CAB39: variants seen among roughly 807,000 people sequenced by gnomAD.
CAB39 encodes the protein calcium binding protein 39, also known as calcium-binding protein 39.
In CAB39, 8 loss-of-function variants were observed where a neutral mutation model predicts 40.0. That is an observed-to-expected ratio of 0.20 (90% confidence interval 0.12 to 0.36). The LOEUF (loss-of-function observed/expected upper bound fraction) is 0.36, where lower values mean the gene tolerates loss of function less well. CAB39 is among the 10% of genes least tolerant of loss of function. The pLI is 1.00. For synonymous variants in CAB39, 156 were observed against 141.6 expected (o/e 1.10, Z -0.72); for missense variants, 270 against 401.1 (o/e 0.67, Z 2.79).
At chr2:230,796,743 G>C (rs1038697946) in intron 4 of CAB39, among the ~76,000 whole-genome samples, 2 of 152,048 alleles carry the variant, frequency 1.3e-5, no homozygotes, top group South Asian at 4.2e-4. Flanking sequence ...ATGTGGTTTG[G>C]GTTAATAAGG....
chr2:230,752,892 AGAAGCAG>A (rs1695115224), intron 1 of CAB39, among the ~76,000 whole-genome samples: 1 of 152,236 alleles, frequency 6.6e-6, no homozygotes, highest in South Asian at 2.1e-4. Flanking sequence ...ACATTGAAAA[AGAAGCAG>A]GACTTAGATG....
intron 2 of CAB39, among the ~76,000 whole-genome samples, chr2:230,764,781 A>G (rs867360563): frequency 1.3e-5 from 2 of 152,228 alleles, no homozygotes; most frequent in Admixed American, 6.5e-5. Flanking sequence ...CTGTCTTCCA[A>G]TAACAAAAGC....
At chr2:230,807,428 C>G (rs1448121321) in intron 5 of CAB39, among the ~76,000 whole-genome samples, 2 of 149,866 alleles carry the variant, frequency 1.3e-5, no homozygotes, top group East Asian at 3.9e-4. Flanking sequence ...CCCCCCACCC[C>G]AGGCCTTTGA....
At chr2:230,742,638 A>G (rs1261574464) in intron 1 of CAB39, among the ~76,000 whole-genome samples, 2 of 152,340 alleles carry the variant, frequency 1.3e-5, no homozygotes, top group East Asian at 3.9e-4. Flanking sequence ...CAATAAGAAA[A>G]GGACTCCAAA....
Position 230,793,224 on chromosome 2 carries a change from C to T in CAB39, c.291C>T (p.Asp97=), listed in dbSNP as rs1418103184. The T allele has an allele frequency of 5.0e-6, 8 of 1,606,062 alleles. No homozygotes were observed. Among genetic ancestry groups the T allele is most frequent in the East Asian group, 4.5e-5 (2 of 44,768 alleles). ...TGTATTCCTAATAGGGCAAAAAAGA[C>T]GTGGCTCAAATTTTCAACAATATTC... The part of the protein sequence containing the change: ...LQLIDFEGKK[D]VAQIFNNILR... The change falls in exon 4 of 9, where the codon GAC becomes GAT. Residue 97 remains aspartate, a synonymous_variant. Transcript: ENST00000258418.
In CAB39 at chr2:230,760,056, C is replaced by T; in HGVS notation, c.55C>T (p.Leu19=). 1 of 1,613,848 alleles carries T rather than the reference C, an allele frequency of 6.2e-7. No homozygotes were observed. The highest frequency in any genetic ancestry group is 8.5e-7 in the Non-Finnish European group (1 of 1,179,782). Residue 19 remains leucine (L), a synonymous_variant, in exon 2 of 9, where the codon CTG becomes TTG. Coordinates refer to ENST00000258418, the MANE Select transcript of CAB39 (RefSeq NM_016289.4). ...ATCTCCAGCAGACATTGTGAAGAAT[C>T]TGAAGGAGAGCATGGCTGTTCTGGA... The part of the protein sequence containing the change: ...HKSPADIVKN[L]KESMAVLEKQ...
At chr2:230,814,009 TTTTGGCA>T in intron 6 of CAB39, 33 bp from the exon 7 acceptor site, 1 of 454,856 alleles carries the variant, frequency 2.2e-6, no homozygotes, top group Non-Finnish European at 4.1e-6. Flanking sequence ...TTTTTTTTTT[TTTTGGCA>T]ATAACCCTGA....
intron 2 of CAB39, among the ~76,000 whole-genome samples, chr2:230,782,399 G>C (rs560919995): frequency 1.3e-5 from 2 of 152,182 alleles, no homozygotes; most frequent in South Asian, 4.2e-4. Context: ...GCTGAAAAAG[G>C]AGAAATGGAA....
At chr2:230,741,621 A>AC (rs1364113555) in intron 1 of CAB39, among the ~76,000 whole-genome samples, 2 of 152,126 alleles carry the variant, frequency 1.3e-5, no homozygotes, top group Admixed American at 6.6e-5. Context: ...GATTACAGGC[A>AC]CCCATGCCCA....
intron 1 of CAB39, among the ~76,000 whole-genome samples, chr2:230,758,290 G>T (rs986485126): frequency 1.6e-5 from 2 of 127,796 alleles, no homozygotes. Context: ...GTGACACAGC[G>T]AGACTCCAAA....
intron 1 of CAB39, among the ~76,000 whole-genome samples, chr2:230,729,452 TAAA>T (rs1694647334): frequency 6.6e-6 from 1 of 151,990 alleles, no homozygotes; most frequent in Non-Finnish European, 1.5e-5. Flanking sequence ...AATCAAGAGT[TAAA>T]AATAAGAGTT....
chr2:230,789,126 T>G (rs1228367041), intron 2 of CAB39, among the ~76,000 whole-genome samples: 1 of 152,244 alleles, frequency 6.6e-6, no homozygotes. Context: ...TTGTGTTTAC[T>G]AACCTATTCT....
chr2:230,735,132 T>C (rs1694763884), intron 1 of CAB39, among the ~76,000 whole-genome samples: 1 of 152,170 alleles, frequency 6.6e-6, no homozygotes, highest in Non-Finnish European at 1.5e-5. Flanking sequence ...GAATGTGGAA[T>C]CGCAGTTTAC....
intron 2 of CAB39, among the ~76,000 whole-genome samples, chr2:230,784,879 C>G (rs1695761402): frequency 1.3e-5 from 2 of 152,348 alleles, no homozygotes; most frequent in Middle Eastern, 3.4e-3. Flanking sequence ...CGTGTTTACC[C>G]TACTGCTGTG....
At chr2:230,797,542 A>G (rs1696008451) in intron 4 of CAB39, among the ~76,000 whole-genome samples, 1 of 146,204 alleles carries the variant, frequency 6.8e-6, no homozygotes, top group Non-Finnish European at 1.5e-5. Flanking sequence ...GGGTGATTTT[A>G]TGGAGGGGGA....
chr2:230,801,929 A>G (rs1310053312), intron 5 of CAB39, among the ~76,000 whole-genome samples: 1 of 152,078 alleles, frequency 6.6e-6, no homozygotes, highest in African/African-American at 2.4e-5. Context: ...GGATGCTCAG[A>G]TAGTAAACCA....
intron 1 of CAB39, among the ~76,000 whole-genome samples, chr2:230,758,841 G>A (rs187695051): frequency 8.5e-4 from 130 of 152,172 alleles, no homozygotes; most frequent in Non-Finnish European, 1.6e-3. Flanking sequence ...GTCATCTTTC[G>A]GTGTCTGATA....
In CAB39 at chr2:230,793,312, T is replaced by C. The variant is rs763706316; in HGVS notation, c.379T>C (p.Leu127=). Reference sequence around the variant, plus strand: ...ATACATCTGCACCCAACAGAATATTTTGTTCATGTTATTGAAAGGGTATGT... The same window carrying C: ...ATACATCTGCACCCAACAGAATATTCTGTTCATGTTATTGAAAGGGTATGT... ...VEYICTQQNI[L]FMLLKGYESP... Residue 127 remains leucine, a synonymous_variant, in exon 4 of 9, where the codon TTG becomes CTG. Transcript: ENST00000258418. 3 of 1,579,224 alleles carry C rather than the reference T, an allele frequency of 1.9e-6. No homozygotes were observed. The South Asian group carries it at 3.3e-5, about 18-fold the overall frequency.
chr2:230,755,749 C>T lies in CAB39; in HGVS notation c.-43-4210C>T, dbSNP rs79958103. ...AGTGAAAAATTATTGAAGACCTTAA[C>T]CAGTGGATTTGTGTTATTCCCTTAA... On this transcript the variant is annotated intron_variant, in intron 1 of 8. Coordinates refer to ENST00000258418, the MANE Select transcript of CAB39 (RefSeq NM_016289.4). Among the ~76,000 whole-genome samples, 1,253 of 152,224 alleles carry T rather than the reference C, an allele frequency of 8.2e-3. 9 individuals are homozygous for T. Among genetic ancestry groups the T allele is most frequent in the African/African-American group, 0.024 (994 of 41,526 alleles).
Sources: allele counts gnomAD v4.1 joint callset (sites outside exome capture counted in the v4.1 genomes callset), GRCh38; gene constraint gnomAD v4.1.1; transcripts MANE v1.5; gene names NCBI Gene and HGNC (gene_info 2026-07-23, HGNC 2026-07-21).